DOCK7: variants seen among roughly 807,000 people sequenced by gnomAD.
DOCK7 encodes dedicator of cytokinesis protein 7.
Under a neutral mutation model 271.0 loss-of-function variants are expected in DOCK7, and 138 were observed. The ratio of observed to expected loss-of-function variants is 0.51; its 90% CI spans 0.44 to 0.59. The LOEUF is 0.59. DOCK7 is among the 20% of genes least tolerant of loss of function. The probability of loss-of-function intolerance (pLI) is 0.00; values close to 1 mark genes in which losing one functional copy is unlikely to be tolerated. For missense variants in DOCK7, 2,066 were observed against 2,592.4 expected (o/e 0.80, Z 4.41); for synonymous variants, 823 against 876.1 (o/e 0.94, Z 1.07).
intron 40 of DOCK7, 32 bp from the exon 41 acceptor site, chr1:62,492,879 A>G: frequency 6.4e-7 from 1 of 1,573,236 alleles, no homozygotes; most frequent in Non-Finnish European, 8.7e-7. Context: ...AAGGTTTTTG[A>G]AACAGAATTT....
rs1479976941 is a variant in DOCK7 at position 62,633,508 on chromosome 1, T to C, written c.1106A>G (p.Asp369Gly). ...AEPYMIFKEA[D>G]ATKNKEKLEK... ...AGCATAACATTCTACCTTGGTGGCATCTGCTTCTTTGAAAATCATATATGG... is the reference window on the plus strand; with the variant it reads ...AGCATAACATTCTACCTTGGTGGCACCTGCTTCTTTGAAAATCATATATGG... The change falls in exon 10 of 50, where the codon GAT becomes GGT. Residue 369 changes from aspartate (D) to glycine (G), a missense_variant. Around this residue, in one of 2 missense-constraint regions of DOCK7, gnomAD observed 1,414 missense variants for 1,670.4 expected, o/e 0.85. Transcript: ENST00000635253. 5 of 1,611,078 alleles carry C rather than the reference T, an allele frequency of 3.1e-6. No homozygotes were observed. The highest frequency in any genetic ancestry group is 4.2e-6 in the Non-Finnish European group (5 of 1,177,728).
At chr1:62,678,045 T>C (rs1361957721) in intron 1 of DOCK7, among the ~76,000 whole-genome samples, 1 of 152,186 alleles carries the variant, frequency 6.6e-6, no homozygotes, top group Non-Finnish European at 1.5e-5. Flanking sequence ...AGAGGACAGC[T>C]TGAGCCCAGG....
intron 31 of DOCK7, among the ~76,000 whole-genome samples, chr1:62,527,032 T>C (rs957409136): frequency 3.3e-5 from 5 of 152,180 alleles, no homozygotes; most frequent in African/African-American, 1.2e-4. Flanking sequence ...CATTAAGGTA[T>C]ATATACTCAC....
intron 14 of DOCK7, among the ~76,000 whole-genome samples, chr1:62,614,941 T>G (rs1443984794): frequency 6.6e-6 from 1 of 151,888 alleles, no homozygotes; most frequent in Non-Finnish European, 1.5e-5. Context: ...AAAAATGGTT[T>G]CGTCACATGT....
At chr1:62,514,739 T>C (rs10889336) in intron 31 of DOCK7, among the ~76,000 whole-genome samples, 51,559 of 151,032 alleles carry the variant, frequency 0.34, 8,910 homozygotes, top group South Asian at 0.43. Context: ...ACAACAACTG[T>C]AAACTATAAC....
At chr1:62,531,678 G>A (rs1038894669) in intron 29 of DOCK7, among the ~76,000 whole-genome samples, 1 of 152,102 alleles carries the variant, frequency 6.6e-6, no homozygotes, top group Non-Finnish European at 1.5e-5. Context: ...AATTATTCTT[G>A]ATTACGTAGC....
In DOCK7 at chr1:62,553,030, T is replaced by C. The variant is rs1013143890; in HGVS notation, c.2597-129A>G. On this transcript the variant is annotated intron_variant, in intron 21 of 49. Coordinates refer to ENST00000635253, the MANE Select transcript of DOCK7 (RefSeq NM_001367561.1). ...TGCTTTGGTTTCTAAATAAAAAATA[T>C]ACTTTTTTTTTTTTTTTTTTTTTGA... 4 of 457,492 alleles carry C rather than the reference T, an allele frequency of 8.7e-6. No homozygotes were observed. In the East Asian group the frequency reaches 1.3e-4, roughly 15 times the overall value. 28.3% of individuals were successfully genotyped at this position (457,492 alleles called of 1,614,324 possible).
At chr1:62,678,533 G>C (rs1023968691) in intron 1 of DOCK7, among the ~76,000 whole-genome samples, 5 of 152,142 alleles carry the variant, frequency 3.3e-5, no homozygotes, top group Non-Finnish European at 7.4e-5. Flanking sequence ...ATGGATCATG[G>C]ATTGGAAACT....
chr1:62,479,079 T>C (rs543603155), intron 43 of DOCK7: 1 of 152,142 alleles, frequency 6.6e-6, no homozygotes. Context: ...ACAAAATTAT[T>C]TTAGGATTCT....
At chr1:62,641,566 C>G in intron 7 of DOCK7, 1 of 472,028 alleles carries the variant, frequency 2.1e-6, no homozygotes, top group Non-Finnish European at 4.3e-6. Context: ...AGGCCAGGTA[C>G]TTTAACTTGT....
chr1:62,622,095 T>C (rs1435201953), intron 12 of DOCK7, among the ~76,000 whole-genome samples: 1 of 152,204 alleles, frequency 6.6e-6, no homozygotes, highest in Non-Finnish European at 1.5e-5. Context: ...TTTAGTTTGC[T>C]CTCTCTCTTG....
intron 39 of DOCK7, 81 bp from the exon 40 acceptor site, chr1:62,494,548 C>T: frequency 1.5e-6 from 2 of 1,352,966 alleles, no homozygotes; most frequent in Non-Finnish European, 2.0e-6. Context: ...TCAGAGTTTA[C>T]CTAGAAAGGT....
intron 14 of DOCK7, chr1:62,597,890 C>A (rs1441931775): frequency 1.9e-6 from 3 of 1,571,656 alleles, no homozygotes; most frequent in Admixed American, 2.0e-5. Context: ...AACTACAAGT[C>A]AAAAATGAAG....
chr1:62,587,382 G>C (rs1647722807), intron 14 of DOCK7, among the ~76,000 whole-genome samples: 1 of 148,868 alleles, frequency 6.7e-6, no homozygotes, highest in African/African-American at 2.5e-5. Context: ...AAGACGTTTA[G>C]TATAATAGAA....
At chr1:62,493,673 C>T (rs759750127) in intron 40 of DOCK7, among the ~76,000 whole-genome samples, 6 of 152,196 alleles carry the variant, frequency 3.9e-5, no homozygotes, top group South Asian at 2.1e-4. Flanking sequence ...TTCCGAGAAA[C>T]GATAACTTTC....
At chr1:62,682,977 G>T (rs537527694) in intron 1 of DOCK7, among the ~76,000 whole-genome samples, 189 of 152,294 alleles carry the variant, frequency 1.2e-3, no homozygotes, top group Middle Eastern at 0.01. Flanking sequence ...AGGCTCAAGG[G>T]AAAGATGGTT....
At chr1:62,632,201 T>C (rs1654714380) in intron 10 of DOCK7, among the ~76,000 whole-genome samples, 1 of 152,230 alleles carries the variant, frequency 6.6e-6, no homozygotes, top group Admixed American at 6.5e-5. Context: ...AACTAAATGA[T>C]AGCACTATTA....
At chr1:62,620,830 G>A (rs1408567435) in intron 12 of DOCK7, among the ~76,000 whole-genome samples, 4 of 144,006 alleles carry the variant, frequency 2.8e-5, no homozygotes, top group Admixed American at 7.2e-5. Flanking sequence ...CTTGCAGTGA[G>A]CTGAGTTCGC....
At chr1:62,486,227 T>C (rs1056787040) in intron 43 of DOCK7, 1 of 152,104 alleles carries the variant, frequency 6.6e-6, no homozygotes, top group African/African-American at 2.4e-5. Flanking sequence ...AGAATTAAGG[T>C]AGATTTATAA....
Sources: gnomAD v4.1 joint callset for allele counts (sites outside exome capture counted in the v4.1 genomes callset) on GRCh38, gnomAD v4.1.1 for gene constraint, gnomAD v4.1.1 regional missense constraint, MANE v1.5 for transcripts, NCBI Gene and HGNC (gene_info 2026-07-23, HGNC 2026-07-21) for gene names.